DTNB: variants seen among roughly 807,000 people sequenced by gnomAD.
The protein encoded by DTNB is DTN-B.
A neutral mutation model predicts 90.7 loss-of-function variants in DTNB; 63 were observed. The ratio of observed to expected loss-of-function variants is 0.69; its 90% CI spans 0.57 to 0.86. The LOEUF (loss-of-function observed/expected upper bound fraction) is 0.86, where lower values mean the gene tolerates loss of function less well. DTNB is among the 40% of genes least tolerant of loss of function. The pLI, the probability that DTNB is intolerant of heterozygous loss-of-function variation, is 0.00. For missense variants in DTNB, 744 were observed against 807.1 expected, an observed-to-expected ratio of 0.92 and a Z score of 0.95; for synonymous variants, 277 against 286.7, an observed-to-expected ratio of 0.97 and a Z score of 0.34.
chr2:25,627,797 T>C lies in DTNB; in HGVS notation c.362+374A>G, dbSNP rs577058693. Among the ~76,000 whole-genome samples the C allele has an allele frequency of 7.9e-5, 12 of 150,972 alleles. No individual in the cohort carries two copies. In the East Asian group the frequency reaches 2.0e-3, roughly 25 times the overall value. ...TGTCGCCCAGGCTGGAGTGCAGTGG[T>C]GCAATCTCTGCTCACTGCAACCTCT... On this transcript the variant is annotated intron_variant, in intron 4 of 20. Coordinates refer to ENST00000406818, the MANE Select transcript of DTNB (RefSeq NM_021907.5).
chr2:25,400,798 T>C (rs1419090014), intron 16 of DTNB, among the ~76,000 whole-genome samples: 1 of 152,154 alleles, frequency 6.6e-6, no homozygotes, highest in Non-Finnish European at 1.5e-5. Flanking sequence ...ACACAATAAA[T>C]GCCCTGTGAC....
intron 6 of DTNB, among the ~76,000 whole-genome samples, chr2:25,583,405 A>T (rs2061862886): frequency 6.6e-6 from 1 of 151,868 alleles, no homozygotes; most frequent in African/African-American, 2.4e-5. Flanking sequence ...TAAAAGTTTA[A>T]TATTTCTATA....
chr2:25,577,071 G>C, intron 7 of DTNB, 67 bp from the exon 8 acceptor site: 2 of 1,436,450 alleles, frequency 1.4e-6, no homozygotes, highest in Non-Finnish European at 1.9e-6. Context: ...AAAGAAGAAA[G>C]AATAAAATTT....
intron 8 of DTNB, among the ~76,000 whole-genome samples, chr2:25,547,093 C>T (rs2082590083): frequency 6.6e-6 from 1 of 152,104 alleles, no homozygotes; most frequent in Non-Finnish European, 1.5e-5. Context: ...AAGTGATCCT[C>T]CCGCCTTGAC....
intron 9 of DTNB, among the ~76,000 whole-genome samples, chr2:25,514,637 T>A (rs972892039): frequency 5.3e-5 from 8 of 152,084 alleles, no homozygotes; most frequent in African/African-American, 1.7e-4. Context: ...AACAGATGAT[T>A]TGTATTGTAA....
chr2:25,505,208 T>C (rs898583147), intron 9 of DTNB, among the ~76,000 whole-genome samples: 10 of 152,152 alleles, frequency 6.6e-5, no homozygotes, highest in African/African-American at 2.4e-4. Flanking sequence ...CCTGTCTGCA[T>C]TGGAGTACCC....
At chr2:25,664,881 G>A (rs922448212) in intron 1 of DTNB, among the ~76,000 whole-genome samples, 5 of 151,926 alleles carry the variant, frequency 3.3e-5, no homozygotes, top group South Asian at 2.1e-4. Context: ...GTGTCACATC[G>A]CCCCCTCCAG....
chr2:25,596,430 C>T (rs1211197201), intron 5 of DTNB, 190 bp from the exon 6 acceptor site: 2 of 465,340 alleles, frequency 4.3e-6, no homozygotes, highest in Non-Finnish European at 7.0e-6. Flanking sequence ...CAGATGAGGC[C>T]CCTCTCTTCC....
chr2:25,407,680 C>A (rs1320708446), intron 16 of DTNB, among the ~76,000 whole-genome samples: 1 of 152,132 alleles, frequency 6.6e-6, no homozygotes, highest in African/African-American at 2.4e-5. Flanking sequence ...AATAGAAAAC[C>A]AAATGCTGTG....
At chr2:25,474,607 A>C (rs962025971) in intron 10 of DTNB, among the ~76,000 whole-genome samples, 63 of 152,194 alleles carry the variant, frequency 4.1e-4, no homozygotes, top group African/African-American at 1.5e-3. Flanking sequence ...ATAATAAGAT[A>C]AACTCTTTAC....
intron 7 of DTNB, among the ~76,000 whole-genome samples, chr2:25,577,861 G>A (rs1490243547): frequency 6.6e-6 from 1 of 152,136 alleles, no homozygotes; most frequent in Non-Finnish European, 1.5e-5. Flanking sequence ...TTAGCTGAGC[G>A]TGGTGGCGCA....
rs116710236 is a variant in DTNB, at chr2:25,482,199, C to T, written c.1079+597G>A. Among the ~76,000 whole-genome samples, 1,479 of 152,170 alleles carry T rather than the reference C, an allele frequency of 9.7e-3. 10 individuals are homozygous for T. Among genetic ancestry groups the T allele is most frequent in the Non-Finnish European group, 0.016 (1,092 of 68,006 alleles). ...GCCATTTTATATAGTTCTTTTAAGTCCTGCCTGAGAGAATTTTTGGAGAAG... is the reference window on the plus strand; with the variant it reads ...GCCATTTTATATAGTTCTTTTAAGTTCTGCCTGAGAGAATTTTTGGAGAAG... On this transcript the variant is annotated intron_variant, in intron 10 of 20. Coordinates refer to ENST00000406818, the MANE Select transcript of DTNB (RefSeq NM_021907.5).
At chr2:25,616,316 A>G (rs1402799669) in intron 4 of DTNB, among the ~76,000 whole-genome samples, 3 of 150,374 alleles carry the variant, frequency 2.0e-5, no homozygotes, top group Non-Finnish European at 4.5e-5. Context: ...CTTTACTTCT[A>G]TATATTATAA....
rs115082363 is a variant in DTNB at position 25,671,009 on chromosome 2, G to A, written c.-2+2377C>T. On this transcript the variant is annotated intron_variant, in intron 1 of 20. Coordinates refer to ENST00000406818, the MANE Select transcript of DTNB (RefSeq NM_021907.5). The stretch of plus-strand genomic sequence containing the variant: ...CTCAATGATCAGATTGACTGTCATG[G>A]TATCACAGTGCTTGTGTTCAAGTGA... Among the ~76,000 whole-genome samples, 996 of 152,232 alleles carry A rather than the reference G, an allele frequency of 6.5e-3. 10 individuals carry two copies. The highest frequency in any genetic ancestry group is 0.023 in the African/African-American group (938 of 41,532).
chr2:25,611,838 T>C (rs180902966), intron 4 of DTNB, among the ~76,000 whole-genome samples: 1 of 152,078 alleles, frequency 6.6e-6, no homozygotes, highest in East Asian at 1.9e-4. Flanking sequence ...TAAAATAAAG[T>C]GATTAATGTT....
At chr2:25,478,017 T>TA (rs10601523) in intron 10 of DTNB, among the ~76,000 whole-genome samples, 3 of 146,246 alleles carry the variant, frequency 2.1e-5, no homozygotes, top group African/African-American at 7.5e-5. Context: ...GTTTTTACTT[T>TA]AAAAAAAAAA....
At chr2:25,451,508 C>T (rs375856283) in intron 12 of DTNB, 40 bp downstream of exon 12, 1 of 1,561,822 alleles carries the variant, frequency 6.4e-7, no homozygotes, top group Non-Finnish European at 8.7e-7. Context: ...TAAAGTAATG[C>T]TAATTTCTGC....
intron 8 of DTNB, among the ~76,000 whole-genome samples, chr2:25,571,828 G>A (rs968551785): frequency 6.6e-6 from 1 of 151,816 alleles, no homozygotes; most frequent in Non-Finnish European, 1.5e-5. Context: ...AAAGACAGAG[G>A]CACACCTGCT....
chr2:25,639,110 C>G lies in DTNB; in HGVS notation c.68-16G>C. 1 of 1,555,436 alleles carries G rather than the reference C, an allele frequency of 6.4e-7. No homozygotes were observed. Among genetic ancestry groups the G allele is most frequent in the Non-Finnish European group, 8.7e-7 (1 of 1,144,894 alleles). ...TTCTGAGCACCTGAAAAAAGGCAAA[C>G]AGAAATGCTCAACTAGATTTACCAT... On this transcript the variant is annotated splice_polypyrimidine_tract_variant and intron_variant, in intron 2 of 20. Transcript: ENST00000406818.
Sources: gnomAD v4.1 joint callset for allele counts (sites outside exome capture counted in the v4.1 genomes callset) on GRCh38, gnomAD v4.1.1 for gene constraint, MANE v1.5 for transcripts, NCBI Gene and HGNC (gene_info 2026-07-23, HGNC 2026-07-21) for gene names.